Variants in THSD7A observed in about 807,000 individuals in gnomAD.
THSD7A encodes thrombospondin type 1 domain containing 7A, also known as thrombospondin type-1 domain-containing protein 7A.
In THSD7A, 96 loss-of-function variants were observed where a neutral mutation model predicts 231.3. The ratio of observed to expected loss-of-function variants is 0.41; its 90% CI spans 0.35 to 0.49. The LOEUF (loss-of-function observed/expected upper bound fraction) is 0.49. Ranked by LOEUF, THSD7A falls within the 20% of genes least tolerant of loss-of-function variation. The pLI, the probability that THSD7A is intolerant of heterozygous loss-of-function variation, is 0.05. For missense variants in THSD7A, 2,290 were observed against 2,070.2 expected (o/e 1.11, Z -2.06); for synonymous variants, 940 against 743.3 (o/e 1.26, Z -4.30).
chr7:11,586,414 A>C (rs1447609877), intron 4 of THSD7A, among the ~76,000 whole-genome samples: 1 of 152,162 alleles, frequency 6.6e-6, no homozygotes, highest in African/African-American at 2.4e-5. Flanking sequence ...GCATCTGAGA[A>C]TCTATGGAGA....
In THSD7A at chr7:11,636,347, G is replaced by T; in HGVS notation, c.805C>A (p.Arg269=). The change falls in exon 2 of 28, where the codon CGA becomes AGA. Residue 269 remains arginine, a synonymous_variant. Transcript: ENST00000423059. This position sits in a 1 kb window ranked among gnomAD's most constrained non-coding sequence, Gnocchi z 10.0. ...CGTCTCCTTGCTTGTCTTACTTGTC[G>T]GGAGTGGGGCATTGAGCAGGTGCTC... ...PWSTCSMPHS[R]QVRQARRRGK... is the part of the protein sequence containing the mutation. 6.2e-7 allele frequency: 1 copy of T among 1,613,716 alleles called. No individual in the cohort carries two copies. Among genetic ancestry groups the T allele is most frequent in the South Asian group, 1.1e-5 (1 of 91,070 alleles).
intron 1 of THSD7A, among the ~76,000 whole-genome samples, chr7:11,643,520 A>T (rs550931304): frequency 3.3e-5 from 5 of 152,150 alleles, no homozygotes; most frequent in Non-Finnish European, 7.4e-5. Context: ...GGATTGTGCT[A>T]CCAATTAATT....
chr7:11,735,794 A>C (rs1456684592), intron 1 of THSD7A, among the ~76,000 whole-genome samples: 1 of 151,968 alleles, frequency 6.6e-6, no homozygotes, highest in Non-Finnish European at 1.5e-5. Flanking sequence ...AGTTTGATTT[A>C]TGGGAAAACA....
intron 1 of THSD7A, among the ~76,000 whole-genome samples, chr7:11,755,903 G>A (rs1168078233): frequency 1.3e-5 from 2 of 151,992 alleles, no homozygotes; most frequent in Non-Finnish European, 2.9e-5. Flanking sequence ...ACAACTTTTA[G>A]AGAAAGGCAA....
At chr7:11,593,891 C>T (rs1234282727) in intron 2 of THSD7A, among the ~76,000 whole-genome samples, 4 of 152,038 alleles carry the variant, frequency 2.6e-5, no homozygotes, top group East Asian at 1.9e-4. Context: ...AATATGCCTG[C>T]GTAAGTGTGA....
At position 11,495,637 on chromosome 7, in the gene THSD7A, A is replaced by T. The variant is rs563950229; in HGVS notation, c.1823-13655T>A. On this transcript the variant is annotated intron_variant, in intron 6 of 27. Transcript: ENST00000423059. ...CTCTAGAAGCCATTACAAAATCAAA[A>T]CCACTATTGAACTAGAAAAATCTTA... Among the ~76,000 whole-genome samples, 38 of 152,226 alleles carry T rather than the reference A, an allele frequency of 2.5e-4. 1 individual carries two copies. The South Asian group carries it at 7.9e-3, about 32-fold the overall frequency.
intron 1 of THSD7A, among the ~76,000 whole-genome samples, chr7:11,638,908 T>C (rs1781970646): frequency 6.6e-6 from 1 of 152,144 alleles, no homozygotes; most frequent in Non-Finnish European, 1.5e-5. Flanking sequence ...TTCTAAATAC[T>C]CACTTTGGGA....
chr7:11,639,405 C>T (rs1464527565), intron 1 of THSD7A, among the ~76,000 whole-genome samples: 2 of 152,110 alleles, frequency 1.3e-5, no homozygotes, highest in Non-Finnish European at 2.9e-5. Flanking sequence ...CGCTGTGGCT[C>T]ATGCCTGTAA....
intron 1 of THSD7A, among the ~76,000 whole-genome samples, chr7:11,741,227 A>G (rs1263747100): frequency 6.6e-6 from 1 of 151,980 alleles, no homozygotes; most frequent in African/African-American, 2.4e-5. Flanking sequence ...TGTTTTCACT[A>G]TATTAGAGTA....
In THSD7A at chr7:11,417,490, C is replaced by T. The variant is rs769207168; in HGVS notation, c.3497G>A (p.Cys1166Tyr). Residue 1166 changes from cysteine to tyrosine, a missense_variant, in exon 17 of 28, where the codon TGT becomes TAT. By Grantham distance (194) the Cys-to-Tyr change is radical. Transcript: ENST00000423059. The part of the protein sequence containing the change: ...RVCKLPCPED[C>Y]VISEWGPWTQ... The stretch of plus-strand genomic sequence containing the variant: ...CCATGGACCCCATTCAGATATCACA[C>T]AGTCCTCAGGGCATGGTAATTTGCA... 5 of 1,612,314 alleles carry T rather than the reference C, an allele frequency of 3.1e-6. No homozygotes were observed. The highest frequency in any genetic ancestry group is 1.1e-5 in the South Asian group (1 of 90,678).
chr7:11,411,136 C>G lies in THSD7A; in HGVS notation c.3798+71G>C. 8.3e-7 allele frequency: 1 copy of G among 1,205,404 alleles called. No homozygotes were observed. Among genetic ancestry groups the G allele is most frequent in the Non-Finnish European group, 1.2e-6 (1 of 829,910 alleles). 74.7% of individuals were successfully genotyped at this position (1,205,404 alleles called of 1,614,324 possible). ...AATGAGCTGCATGGAGCACGGGTCA[C>G]TTGGCTCAGCATGAATTGAAATTAT... On this transcript the variant is annotated intron_variant, in intron 19 of 27. Coordinates refer to ENST00000423059, the MANE Select transcript of THSD7A (RefSeq NM_015204.3). This position sits in a 1 kb window ranked among gnomAD's most constrained non-coding sequence, Gnocchi z 4.1.
At chr7:11,390,390 G>T (rs1782933503) in intron 23 of THSD7A, among the ~76,000 whole-genome samples, 1 of 152,074 alleles carries the variant, frequency 6.6e-6, no homozygotes, top group African/African-American at 2.4e-5. Flanking sequence ...CTGCTTTATT[G>T]ATTTGGCTAT....
intron 6 of THSD7A, among the ~76,000 whole-genome samples, chr7:11,522,084 G>C (rs1231204299): frequency 6.6e-6 from 1 of 152,106 alleles, no homozygotes; most frequent in Non-Finnish European, 1.5e-5. Flanking sequence ...AGTAGAATTA[G>C]GACCTGATAA....
intron 1 of THSD7A, among the ~76,000 whole-genome samples, chr7:11,711,667 A>T (rs957702283): frequency 6.6e-6 from 1 of 151,058 alleles, no homozygotes; most frequent in Admixed American, 6.6e-5. Flanking sequence ...CTAGGGGAAA[A>T]ATTTCAACTG....
chr7:11,763,817 C>A (rs77478626), intron 1 of THSD7A, among the ~76,000 whole-genome samples: 7,392 of 152,084 alleles, frequency 0.049, 206 homozygotes, highest in East Asian at 0.14. Context: ...ATTTATTGCT[C>A]ATTTCCTCAG....
chr7:11,449,483 A>G (rs549533855), intron 11 of THSD7A, among the ~76,000 whole-genome samples: 1 of 152,244 alleles, frequency 6.6e-6, no homozygotes, highest in East Asian at 1.9e-4. Context: ...TGGCTAAGAC[A>G]GAAAATCCTT....
intron 23 of THSD7A, among the ~76,000 whole-genome samples, chr7:11,392,352 A>T (rs1312476514): frequency 5.3e-5 from 8 of 152,026 alleles, no homozygotes; most frequent in African/African-American, 1.9e-4. Flanking sequence ...TCCGGCCCAG[A>T]TACTATGCTT....
At chr7:11,711,341 C>A (rs761228367) in intron 1 of THSD7A, among the ~76,000 whole-genome samples, 1 of 150,976 alleles carries the variant, frequency 6.6e-6, no homozygotes, top group South Asian at 2.1e-4. Context: ...AAAATCTAGG[C>A]TCTGCCGATT....
At chr7:11,826,631 G>C (rs1160223242) in intron 1 of THSD7A, among the ~76,000 whole-genome samples, 1 of 152,034 alleles carries the variant, frequency 6.6e-6, no homozygotes, top group Non-Finnish European at 1.5e-5. Context: ...GCCCAACATG[G>C]TGAAACCCAG....
Sources: gnomAD v4.1 joint callset for allele counts (sites outside exome capture counted in the v4.1 genomes callset) on GRCh38, gnomAD v4.1.1 for gene constraint, Gnocchi (gnomAD v3.1) non-coding constraint, MANE v1.5 for transcripts, NCBI Gene and HGNC (gene_info 2026-07-23, HGNC 2026-07-21) for gene names.